HDLBP: variants seen among roughly 807,000 people sequenced by gnomAD.
HDLBP encodes vigilin.
Under a neutral mutation model 137.3 loss-of-function variants are expected in HDLBP, and 30 were observed. The ratio of observed to expected loss-of-function variants is 0.22; its 90% CI spans 0.16 to 0.30. The LOEUF (loss-of-function observed/expected upper bound fraction) is 0.30. Among genes scored for constraint, HDLBP ranks in the 10% least tolerant of loss-of-function variants. The pLI, the probability that HDLBP is intolerant of heterozygous loss-of-function variation, is 1.00. For synonymous variants in HDLBP, 606 were observed against 596.0 expected (o/e 1.02, Z -0.24); for missense variants, 1,119 against 1,667.3 (o/e 0.67, Z 5.73).
intron 3 of HDLBP, among the ~76,000 whole-genome samples, chr2:241,265,166 C>G (rs1396710262): frequency 6.6e-6 from 1 of 152,222 alleles, no homozygotes; most frequent in Non-Finnish European, 1.5e-5. Context: ...CACCTGTAAT[C>G]CCAGCACTTT....
At position 241,249,871 on chromosome 2, in the gene HDLBP, C is replaced by T. The variant is rs748583154; in HGVS notation, c.1482G>A (p.Lys494=). ...GAGATGCAAGCTCCAGCAGCTCTCG[C>T]TTGGCCTGCTGCACGCCCTGTGGGT... ...EGDPQGVQQA[K]RELLELASRM... The change falls in exon 12 of 28, where the codon AAG becomes AAA. Residue 494 remains lysine (K), a synonymous_variant. Transcript: ENST00000310931. 6.2e-7 allele frequency: 1 copy of T among 1,612,674 alleles called. No homozygotes were observed. Among genetic ancestry groups the T allele is most frequent in the South Asian group, 1.1e-5 (1 of 90,888 alleles).
Position 241,272,166 on chromosome 2 carries a change from T to C in HDLBP, c.-102-3625A>G, listed in dbSNP as rs927611114. On this transcript the variant is annotated intron_variant, in intron 1 of 27. Transcript: ENST00000310931. This position sits in a 1 kb window ranked among gnomAD's most constrained non-coding sequence, Gnocchi z 5.6. Reference sequence around the variant, plus strand: ...GCAGCTTTCCCCACCCCCGAACACGTAGACTGACGCGGGCCCCGCGCGGCA... The same window carrying C: ...GCAGCTTTCCCCACCCCCGAACACGCAGACTGACGCGGGCCCCGCGCGGCA... The C allele has an allele frequency of 5.1e-6, 5 of 984,754 alleles. No homozygotes were observed. The highest frequency in any genetic ancestry group is 3.5e-5 in the African/African-American group (2 of 57,288). 61.0% of individuals were successfully genotyped at this position (984,754 alleles called of 1,614,324 possible). A position where few individuals can be genotyped will look rare whatever the true frequency, so the allele number is the denominator to read the frequency against.
Position 241,233,176 on chromosome 2 carries a change from C to T in HDLBP, c.3288+644G>A, listed in dbSNP as rs2069984884. On this transcript the variant is annotated intron_variant, in intron 24 of 27. Coordinates refer to ENST00000310931, the MANE Select transcript of HDLBP (RefSeq NM_005336.6). The surrounding 1 kb of genome is among the most constrained non-coding windows in gnomAD (Gnocchi z 4.3). Reference sequence around the variant, plus strand: ...TGGACACGCCTAGGAAGCAGACACCCCAGCAGGATGCCAGAGCCAGGAAAG... The same window carrying T: ...TGGACACGCCTAGGAAGCAGACACCTCAGCAGGATGCCAGAGCCAGGAAAG... Among the ~76,000 whole-genome samples the T allele has an allele frequency of 6.6e-6, 1 of 152,128 alleles. No individual in the cohort carries two copies.
chr2:241,252,397 G>A (rs1282828801), intron 11 of HDLBP, among the ~76,000 whole-genome samples: 1 of 152,178 alleles, frequency 6.6e-6, no homozygotes, highest in African/African-American at 2.4e-5. Context: ...AGCTACTCAG[G>A]AGGCTGAAGC....
intron 1 of HDLBP, among the ~76,000 whole-genome samples, chr2:241,307,361 C>T (rs1328787564): frequency 6.6e-6 from 1 of 152,178 alleles, no homozygotes; most frequent in Non-Finnish European, 1.5e-5. Flanking sequence ...CTCTTCCTGC[C>T]CCAGGAGAGA....
chr2:241,237,826 AC>A (rs1290779884), intron 20 of HDLBP, among the ~76,000 whole-genome samples: 2 of 152,252 alleles, frequency 1.3e-5, no homozygotes, highest in African/African-American at 2.4e-5. Flanking sequence ...GTTTTAAATA[AC>A]CACTGAAGTG....
In HDLBP at chr2:241,228,079, A is replaced by C. The variant is rs2149292620; in HGVS notation, c.*1522T>G. 6.6e-6 allele frequency: 1 copy of C among 152,374 alleles called. No homozygotes were observed. Among genetic ancestry groups the C allele is most frequent in the East Asian group, 1.9e-4 (1 of 5,190 alleles). 9.4% of individuals were successfully genotyped at this position (152,374 alleles called of 1,614,324 possible). A position where few individuals can be genotyped will look rare whatever the true frequency, so the allele number is the denominator to read the frequency against. ...GGGTCTACTCAAGAATTCGAGTCTG[A>C]AGATGACCAAGCTTGAGTTATTCAA... On this transcript the variant is annotated 3_prime_UTR_variant, in exon 28 of 28. Coordinates refer to ENST00000310931, the MANE Select transcript of HDLBP (RefSeq NM_005336.6).
chr2:241,235,300 C>A (rs766367984), intron 22 of HDLBP, 45 bp from the exon 23 acceptor site: 2 of 1,613,486 alleles, frequency 1.2e-6, no homozygotes, highest in Non-Finnish European at 1.7e-6. Context: ...CCCCAGAGAA[C>A]AGGAAAGAGT....
Position 241,230,725 on chromosome 2 carries a change from G to T in HDLBP, c.3474+34C>A. On this transcript the variant is annotated intron_variant, in intron 25 of 27. Coordinates refer to ENST00000310931, the MANE Select transcript of HDLBP (RefSeq NM_005336.6). This position sits in a 1 kb window ranked among gnomAD's most constrained non-coding sequence, Gnocchi z 5.0. Reference sequence around the variant, plus strand: ...CCAGCCAGGTGCCCCCGGTGAGAGAGGATTCTCACCCACTGTGCTTCCAGC... The same window carrying T: ...CCAGCCAGGTGCCCCCGGTGAGAGATGATTCTCACCCACTGTGCTTCCAGC... The T allele has an allele frequency of 6.3e-7, 1 of 1,592,876 alleles. No homozygotes were observed. The highest frequency in any genetic ancestry group is 8.6e-7 in the Non-Finnish European group (1 of 1,161,416).
chr2:241,255,703 G>A (rs2072559231), intron 7 of HDLBP, 123 bp from the exon 8 acceptor site: 1 of 727,820 alleles, frequency 1.4e-6, no homozygotes, highest in East Asian at 2.6e-5. Context: ...ATCCCAAGAA[G>A]TGAACAACAA....
At chr2:241,288,998 G>A (rs1434147727) in intron 1 of HDLBP, among the ~76,000 whole-genome samples, 1 of 152,192 alleles carries the variant, frequency 6.6e-6, no homozygotes, top group African/African-American at 2.4e-5. Context: ...AGTTCTATGA[G>A]CTAGAATTAG....
At chr2:241,304,298 C>T (rs1487998482) in intron 1 of HDLBP, among the ~76,000 whole-genome samples, 1 of 152,190 alleles carries the variant, frequency 6.6e-6, no homozygotes, top group Non-Finnish European at 1.5e-5. Flanking sequence ...CACGTGTAAC[C>T]CAGGCTTGGG....
intron 1 of HDLBP, among the ~76,000 whole-genome samples, chr2:241,283,955 C>T (rs956752190): frequency 1.1e-4 from 16 of 152,122 alleles, no homozygotes; most frequent in African/African-American, 3.9e-4. Flanking sequence ...TGAAACAAAG[C>T]CTGGATGACA....
Position 241,255,490 on chromosome 2 carries a change from G to C in HDLBP, c.964C>G (p.Leu322Val). 6.2e-7 allele frequency: 1 copy of C among 1,613,980 alleles called. No homozygotes were observed. The highest frequency in any genetic ancestry group is 8.5e-7 in the Non-Finnish European group (1 of 1,179,822). The change falls in exon 8 of 28, where the codon CTT becomes GTT. Residue 322 changes from leucine (L) to valine (V), a missense_variant. Leu to Val is a conservative substitution (Grantham distance 32). Coordinates refer to ENST00000310931, the MANE Select transcript of HDLBP (RefSeq NM_005336.6). Reference protein sequence around the residue: ...GPKGNSLQEILERTGVSVEIP... With the variant: ...GPKGNSLQEIVERTGVSVEIP... Reference sequence around the variant, plus strand: ...TCAACGGAAACTCCAGTTCTCTCAAGGATCTCCTGCAATGAATTGCCCTTG... The same window carrying C: ...TCAACGGAAACTCCAGTTCTCTCAACGATCTCCTGCAATGAATTGCCCTTG...
At chr2:241,242,854 G>C in intron 16 of HDLBP, 176 bp from the exon 17 acceptor site, 1 of 628,780 alleles carries the variant, frequency 1.6e-6, no homozygotes, top group Non-Finnish European at 2.8e-6. Flanking sequence ...CACGGGGGAG[G>C]AGAGTGCACG....
chr2:241,281,419 G>A (rs1024178137), intron 1 of HDLBP, among the ~76,000 whole-genome samples: 1 of 152,212 alleles, frequency 6.6e-6, no homozygotes, highest in Non-Finnish European at 1.5e-5. Context: ...TACTCGGGAG[G>A]CTGAGGTGGG....
At chr2:241,280,884 A>G (rs2074569808) in intron 1 of HDLBP, among the ~76,000 whole-genome samples, 1 of 152,214 alleles carries the variant, frequency 6.6e-6, no homozygotes, top group African/African-American at 2.4e-5. Flanking sequence ...ATTTAATTCC[A>G]CTAAACCACT....
chr2:241,296,182 A>T (rs2149674231), intron 1 of HDLBP, among the ~76,000 whole-genome samples: 1 of 151,838 alleles, frequency 6.6e-6, no homozygotes, highest in East Asian at 1.9e-4. Flanking sequence ...ACTTGGTGTT[A>T]CTGGCTAAGA....
intron 1 of HDLBP, chr2:241,280,225 AC>A (rs2074543654): frequency 1.7e-6 from 1 of 584,980 alleles, no homozygotes; most frequent in Non-Finnish European, 2.2e-6. Context: ...GGCTCATATT[AC>A]ATTTTTATTA....
Sources: allele counts gnomAD v4.1 joint callset (sites outside exome capture counted in the v4.1 genomes callset), GRCh38; gene constraint gnomAD v4.1.1; non-coding constraint Gnocchi (gnomAD v3.1); transcripts MANE v1.5; gene names NCBI Gene and HGNC (gene_info 2026-07-23, HGNC 2026-07-21).